FBXO21: variants seen among roughly 807,000 people sequenced by gnomAD.
FBXO21 encodes F-box only protein 21.
A neutral mutation model predicts 76.6 loss-of-function variants in FBXO21; 32 were observed. The ratio of observed to expected loss-of-function variants is 0.42; its 90% CI spans 0.32 to 0.56. The LOEUF (loss-of-function observed/expected upper bound fraction) is 0.56, where lower values mean the gene tolerates loss of function less well. FBXO21 is among the 20% of genes least tolerant of loss of function. FBXO21 has a pLI of 0.16. For synonymous variants in FBXO21, 328 were observed against 311.5 expected, an observed-to-expected ratio of 1.05 and a Z score of -0.56; for missense variants, 586 against 797.3, an observed-to-expected ratio of 0.73 and a Z score of 3.19.
At chr12:117,158,145 C>A in intron 9 of FBXO21, 82 bp from the exon 10 acceptor site, 1 of 1,506,448 alleles carries the variant, frequency 6.6e-7, no homozygotes. Context: ...TTAGACCTAC[C>A]TACGTAACCT....
At chr12:117,174,929 T>C (rs4767513) in intron 4 of FBXO21, 132 bp from the exon 5 acceptor site, 403,463 of 784,276 alleles carry the variant, frequency 0.51, 104,372 homozygotes, top group Admixed American at 0.67. Flanking sequence ...GTTTTGGCCA[T>C]GGACCTTGCT....
chr12:117,155,430 C>T (rs1360592360), intron 11 of FBXO21: 4 of 233,330 alleles, frequency 1.7e-5, no homozygotes, highest in East Asian at 2.0e-4. Flanking sequence ...CCAGGGAGCA[C>T]TAGGGGGCCC....
At position 117,144,312 on chromosome 12, in the gene FBXO21, G is replaced by A. The variant is rs552308151; in HGVS notation, c.*1775C>T. 2.0e-5 allele frequency: 3 copies of A among 152,202 alleles called. No homozygotes were observed. The highest frequency in any genetic ancestry group is 7.2e-5 in the African/African-American group (3 of 41,524). 9.4% of individuals were successfully genotyped at this position (152,202 alleles called of 1,614,324 possible). A position where few individuals can be genotyped will look rare whatever the true frequency, so the allele number is the denominator to read the frequency against. ...GTAGTGTACAATCCTCCCAACCTTGGCGGGCCAGGTGCTGTGAGTGGTTAC... is the reference window on the plus strand; with the variant it reads ...GTAGTGTACAATCCTCCCAACCTTGACGGGCCAGGTGCTGTGAGTGGTTAC... On this transcript the variant is annotated 3_prime_UTR_variant, in exon 12 of 12. Transcript: ENST00000622495.
intron 3 of FBXO21, among the ~76,000 whole-genome samples, chr12:117,180,363 T>A (rs1956215653): frequency 6.6e-6 from 1 of 152,236 alleles, no homozygotes; most frequent in African/African-American, 2.4e-5. Context: ...CATGTACATA[T>A]GCACATGCAC....
At chr12:117,170,390 A>G (rs1956106287) in intron 7 of FBXO21, among the ~76,000 whole-genome samples, 1 of 152,216 alleles carries the variant, frequency 6.6e-6, no homozygotes. Context: ...GACAAAACTG[A>G]TTCTAAATCT....
intron 9 of FBXO21, among the ~76,000 whole-genome samples, chr12:117,158,990 C>T (rs1263210930): frequency 6.6e-6 from 1 of 152,246 alleles, no homozygotes; most frequent in African/African-American, 2.4e-5. Context: ...TGCGTTACAG[C>T]AACCTGGACT....
chr12:117,168,728 A>C (rs1956086834), intron 7 of FBXO21, among the ~76,000 whole-genome samples: 2 of 152,246 alleles, frequency 1.3e-5, no homozygotes, highest in Admixed American at 1.3e-4. Flanking sequence ...AACATGAGTA[A>C]ATCAAATGCA....
At chr12:117,165,414 G>A in intron 9 of FBXO21, 71 bp downstream of exon 9, 1 of 1,436,348 alleles carries the variant, frequency 7.0e-7, no homozygotes, top group Non-Finnish European at 9.5e-7. Flanking sequence ...AGATAAGCTT[G>A]TCACGGGCAC....
At chr12:117,177,021 A>C (rs1956182557) in intron 4 of FBXO21, among the ~76,000 whole-genome samples, 1 of 152,230 alleles carries the variant, frequency 6.6e-6, no homozygotes, top group African/African-American at 2.4e-5. Flanking sequence ...TAAGAACAAA[A>C]AGATTCTCCA....
In FBXO21 at chr12:117,186,720, G is replaced by A. The variant is rs1956286562; in HGVS notation, c.376-149C>T. ...TACCTTGCACTACCAGTCATGGGTA[G>A]AAAATAACATAAAGTAACAATAATT... On this transcript the variant is annotated intron_variant, in intron 2 of 11. Transcript: ENST00000622495. 7 of 550,570 alleles carry A rather than the reference G, an allele frequency of 1.3e-5. No homozygotes were observed. In the South Asian group the frequency reaches 1.8e-4, roughly 14 times the overall value. 34.1% of individuals were successfully genotyped at this position (550,570 alleles called of 1,614,324 possible). A position where few individuals can be genotyped will look rare whatever the true frequency, so the allele number is the denominator to read the frequency against.
At chr12:117,150,927 A>C (rs1266101809) in intron 11 of FBXO21, among the ~76,000 whole-genome samples, 1 of 102,864 alleles carries the variant, frequency 9.7e-6, no homozygotes, top group Admixed American at 1.2e-4. Context: ...GTATGGGTGG[A>C]AAGTTGAGTT....
At chr12:117,146,341 C>A in intron 11 of FBXO21, 64 bp from the exon 12 acceptor site, 2 of 1,397,730 alleles carry the variant, frequency 1.4e-6, no homozygotes, top group Non-Finnish European at 2.0e-6. Flanking sequence ...ACCTTTCATC[C>A]AGAGAACCTC....
chr12:117,147,459 C>A (rs1188705278), intron 11 of FBXO21, among the ~76,000 whole-genome samples: 2 of 150,228 alleles, frequency 1.3e-5, no homozygotes, highest in African/African-American at 4.9e-5. Context: ...ATTAGCTGGG[C>A]GTCATGGCGG....
chr12:117,183,607 G>C (rs144004934), intron 3 of FBXO21, among the ~76,000 whole-genome samples: 148 of 152,312 alleles, frequency 9.7e-4, no homozygotes, highest in South Asian at 1.9e-3. Flanking sequence ...GTGATTGTTA[G>C]ATGTTAGGAT....
At chr12:117,155,751 G>A (rs753031646) in intron 11 of FBXO21, 40 bp downstream of exon 11, 2 of 1,584,224 alleles carry the variant, frequency 1.3e-6, no homozygotes, top group Admixed American at 3.6e-5. Flanking sequence ...CTGAAAACAC[G>A]CCCGCGGGGC....
chr12:117,145,889 A>G lies in FBXO21; in HGVS notation c.*198T>C, dbSNP rs529954135. 1 of 480,604 alleles carries G rather than the reference A, an allele frequency of 2.1e-6. No homozygotes were observed. The highest frequency in any genetic ancestry group is 3.7e-6 in the Non-Finnish European group (1 of 273,722). 29.8% of individuals were successfully genotyped at this position (480,604 alleles called of 1,614,324 possible). On this transcript the variant is annotated 3_prime_UTR_variant, in exon 12 of 12. Transcript: ENST00000622495. ...GCCTTTCAGATTAATTCACTAGTGTAGGCGGAGAGCAACATTGTCTTTGCA... is the reference window on the plus strand; with the variant it reads ...GCCTTTCAGATTAATTCACTAGTGTGGGCGGAGAGCAACATTGTCTTTGCA...
intron 2 of FBXO21, 68 bp from the exon 3 acceptor site, chr12:117,186,639 T>A: frequency 4.9e-6 from 5 of 1,022,348 alleles, no homozygotes; most frequent in Non-Finnish European, 7.5e-6. Flanking sequence ...TCTCACAAAT[T>A]TGAGCTGAAA....
chr12:117,181,289 C>T (rs1956228079), intron 3 of FBXO21, among the ~76,000 whole-genome samples: 1 of 152,104 alleles, frequency 6.6e-6, no homozygotes, highest in Non-Finnish European at 1.5e-5. Flanking sequence ...TATAAAAATC[C>T]TTGGTTGACA....
At chr12:117,164,016 C>T (rs1450956024) in intron 9 of FBXO21, among the ~76,000 whole-genome samples, 2 of 151,614 alleles carry the variant, frequency 1.3e-5, no homozygotes, top group African/African-American at 2.4e-5. Flanking sequence ...CTTGTAATCC[C>T]AGCACTTTGG....
Sources: gnomAD v4.1 joint callset for allele counts (sites outside exome capture counted in the v4.1 genomes callset) on GRCh38, gnomAD v4.1.1 for gene constraint, MANE v1.5 for transcripts, NCBI Gene and HGNC (gene_info 2026-07-23, HGNC 2026-07-21) for gene names.